RNF41: variants seen among roughly 807,000 people sequenced by gnomAD.
RNF41 encodes ring finger protein 41, also known as E3 ubiquitin-protein ligase NRDP1.
A neutral mutation model predicts 33.0 loss-of-function variants in RNF41; 4 were observed. The observed-to-expected ratio is 0.12, with a 90% CI of 0.06 to 0.28. The LOEUF is 0.28. Ranked by LOEUF, RNF41 falls within the 10% of genes least tolerant of loss-of-function variation. The probability of loss-of-function intolerance (pLI) is 1.00; values close to 1 mark genes in which losing one functional copy is unlikely to be tolerated. For missense variants in RNF41, 228 were observed against 432.6 expected, an observed-to-expected ratio of 0.53 and a Z score of 4.19; for synonymous variants, 164 against 153.2, an observed-to-expected ratio of 1.07 and a Z score of -0.52.
At chr12:56,211,184 A>AG (rs1868450209) in intron 3 of RNF41, among the ~76,000 whole-genome samples, 1 of 151,326 alleles carries the variant, frequency 6.6e-6, no homozygotes, top group Admixed American at 6.6e-5. Flanking sequence ...GAAAAAAAAA[A>AG]GCTGGGCCTG....
intron 2 of RNF41, among the ~76,000 whole-genome samples, chr12:56,215,462 T>C (rs1163033751): frequency 1.3e-5 from 2 of 152,090 alleles, no homozygotes; most frequent in East Asian, 1.9e-4. Flanking sequence ...GGCTCATGCC[T>C]GTAATCCCAG....
At chr12:56,207,475 G>A (rs1868292360) in intron 6 of RNF41, among the ~76,000 whole-genome samples, 171 bp downstream of exon 6, 1 of 152,144 alleles carries the variant, frequency 6.6e-6, no homozygotes, top group Admixed American at 6.5e-5. Flanking sequence ...CTGTAGTGGA[G>A]CTAAGGGTTA....
intron 1 of RNF41, among the ~76,000 whole-genome samples, chr12:56,218,247 C>A (rs1309030752): frequency 6.6e-6 from 1 of 151,904 alleles, no homozygotes; most frequent in East Asian, 1.9e-4. Flanking sequence ...AGCCACCGCG[C>A]CTGGCCCACA....
At chr12:56,212,652 G>A (rs1357599691) in intron 3 of RNF41, among the ~76,000 whole-genome samples, 2 of 152,054 alleles carry the variant, frequency 1.3e-5, no homozygotes, top group African/African-American at 4.8e-5. Flanking sequence ...TCTAATGGCA[G>A]CAGACTGCAA....
At position 56,206,179 on chromosome 12, in the gene RNF41, G is replaced by A. The variant is rs1868262223; in HGVS notation, c.*268C>T. 2 of 416,366 alleles carry A rather than the reference G, an allele frequency of 4.8e-6. No homozygotes were observed. Among genetic ancestry groups the A allele is most frequent in the Non-Finnish European group, 8.6e-6 (2 of 232,722 alleles). 25.8% of individuals were successfully genotyped at this position (416,366 alleles called of 1,614,324 possible). On this transcript the variant is annotated 3_prime_UTR_variant, in exon 7 of 7. Coordinates refer to ENST00000345093, the MANE Select transcript of RNF41 (RefSeq NM_005785.4). This position sits in a 1 kb window ranked among gnomAD's most constrained non-coding sequence, Gnocchi z 5.7. ...TAACTGGAACCAGGGACCCTAAGCA[G>A]GAAAATGGATGGAGGTGGGGGCTTT... is the stretch of plus-strand genomic sequence containing the variant.
In RNF41 at chr12:56,212,875, C is replaced by A. The variant is rs1200971383; in HGVS notation, c.90+1083G>T. On this transcript the variant is annotated intron_variant, in intron 3 of 6. Coordinates refer to ENST00000345093, the MANE Select transcript of RNF41 (RefSeq NM_005785.4). ...CCTGGTTTGGAAAATGTGATAATCT[C>A]TAGATAGCCAGGAAAGAGAAAGGAT... The A allele has an allele frequency of 1.5e-5, 11 of 731,064 alleles. No homozygotes were observed. In the East Asian group the frequency reaches 6.6e-4, roughly 44 times the overall value. 45.3% of individuals were successfully genotyped at this position (731,064 alleles called of 1,614,324 possible). A position where few individuals can be genotyped will look rare whatever the true frequency, so the allele number is the denominator to read the frequency against.
rs150646570 is a variant in RNF41 at position 56,213,175 on chromosome 12, C to T, written c.90+783G>A. ...ATCCCAGGAAAAAAATAGGTCAGTACATACAGTTCCCCACTTCCTATTTGT... is the reference window on the plus strand; with the variant it reads ...ATCCCAGGAAAAAAATAGGTCAGTATATACAGTTCCCCACTTCCTATTTGT... On this transcript the variant is annotated intron_variant, in intron 3 of 6. Transcript: ENST00000345093. The T allele has an allele frequency of 4.2e-4, 520 of 1,228,108 alleles. 9 individuals are homozygous for T. In the East Asian group the frequency reaches 0.017, roughly 41 times the overall value. 76.1% of individuals were successfully genotyped at this position (1,228,108 alleles called of 1,614,324 possible).
At chr12:56,217,865 C>T (rs1432367142) in intron 1 of RNF41, among the ~76,000 whole-genome samples, 2 of 152,190 alleles carry the variant, frequency 1.3e-5, no homozygotes, top group Non-Finnish European at 2.9e-5. Context: ...CATCACAAAA[C>T]CATCCCCTCG....
intron 3 of RNF41, among the ~76,000 whole-genome samples, chr12:56,213,347 G>A (rs144609531): frequency 5.3e-5 from 8 of 152,150 alleles, no homozygotes; most frequent in Admixed American, 4.6e-4. Context: ...CTACAGGTGT[G>A]TGCCACCACG....
rs1328840104 is a variant in RNF41, at chr12:56,206,873, A to G, written c.603-75T>C. 15 of 1,121,812 alleles carry G rather than the reference A, an allele frequency of 1.3e-5. No individual in the cohort carries two copies. Among genetic ancestry groups the G allele is most frequent in the Middle Eastern group, 2.5e-4 (1 of 4,074 alleles). 69.5% of individuals were successfully genotyped at this position (1,121,812 alleles called of 1,614,324 possible). ...GTATTGGCTTTTTCTGCTAATAGAA[A>G]TAACTACCCACTCTGCACTCAGCTT... On this transcript the variant is annotated intron_variant, in intron 6 of 6. Transcript: ENST00000345093. The surrounding 1 kb of genome is among the most constrained non-coding windows in gnomAD (Gnocchi z 5.7).
At chr12:56,219,881 G>C (rs1869218426) in intron 1 of RNF41, among the ~76,000 whole-genome samples, 1 of 151,704 alleles carries the variant, frequency 6.6e-6, no homozygotes, top group Non-Finnish European at 1.5e-5. Flanking sequence ...CGGGCATGAT[G>C]GCGTGAGTGC....
At chr12:56,216,768 C>A (rs1868917435) in intron 1 of RNF41, among the ~76,000 whole-genome samples, 155 bp from the exon 2 acceptor site, 2 of 152,140 alleles carry the variant, frequency 1.3e-5, no homozygotes, top group Non-Finnish European at 2.9e-5. Context: ...AGACTACCTT[C>A]TAAGGAGGGA....
rs1286552008 is a variant in RNF41, at chr12:56,206,134, C to T, written c.*313G>A. 6.5e-6 allele frequency: 2 copies of T among 309,998 alleles called. No homozygotes were observed. The highest frequency in any genetic ancestry group is 2.1e-5 in the African/African-American group (1 of 46,878). 19.2% of individuals were successfully genotyped at this position (309,998 alleles called of 1,614,324 possible). ...TCCTGATCCTCCAGGGAAATTGAAT[C>T]TCTTTGTGCTTTCTGAAAATAACTG... On this transcript the variant is annotated 3_prime_UTR_variant, in exon 7 of 7. Coordinates refer to ENST00000345093, the MANE Select transcript of RNF41 (RefSeq NM_005785.4). This position sits in a 1 kb window ranked among gnomAD's most constrained non-coding sequence, Gnocchi z 5.7.
At position 56,207,036 on chromosome 12, in the gene RNF41, T is replaced by C. The variant is rs938622835; in HGVS notation, c.603-238A>G. The C allele has an allele frequency of 2.1e-5, 26 of 1,258,798 alleles. No homozygotes were observed. The African/African-American group carries it at 3.6e-4, about 18-fold the overall frequency. The allele number at this position is 1,258,798 out of a possible 1,614,324, so 78.0% of individuals were successfully genotyped here. ...GCACTCTGTCTCTGTTACTTTTCTT[T>C]GAAATTCCAATACTTAGCACATATA... On this transcript the variant is annotated intron_variant, in intron 6 of 6. Coordinates refer to ENST00000345093, the MANE Select transcript of RNF41 (RefSeq NM_005785.4).
At chr12:56,215,401 AGGT>A (rs1012493653) in intron 2 of RNF41, among the ~76,000 whole-genome samples, 5 of 152,088 alleles carry the variant, frequency 3.3e-5, no homozygotes, top group Non-Finnish European at 7.4e-5. Context: ...GTCTGAACTT[AGGT>A]GGTGGTGGTG....
At chr12:56,214,476 CGCCACTGCACTCCA>C (rs1461218747) in intron 2 of RNF41, among the ~76,000 whole-genome samples, 1 of 148,840 alleles carries the variant, frequency 6.7e-6, no homozygotes, top group Non-Finnish European at 1.5e-5. Flanking sequence ...GCCGAGATCG[CGCCACTGCACTCCA>C]GCCTGGGGAA....
intron 1 of RNF41, among the ~76,000 whole-genome samples, chr12:56,221,067 G>A (rs558286371): frequency 6.6e-6 from 1 of 152,200 alleles, no homozygotes; most frequent in African/African-American, 2.4e-5. Flanking sequence ...GTTTCTGAAC[G>A]GGGAAGCAGT....
chr12:56,215,200 G>C (rs909873206), intron 2 of RNF41, among the ~76,000 whole-genome samples: 1 of 152,216 alleles, frequency 6.6e-6, no homozygotes, highest in African/African-American at 2.4e-5. Context: ...AAGAGACAAG[G>C]CTGGAGAGGC....
chr12:56,205,686 C>T lies in RNF41; in HGVS notation c.*761G>A, dbSNP rs1868255148. On this transcript the variant is annotated 3_prime_UTR_variant, in exon 7 of 7. Coordinates refer to ENST00000345093, the MANE Select transcript of RNF41 (RefSeq NM_005785.4). Reference sequence around the variant, plus strand: ...AGAGGGGTCTATGGAACAATTATGGCCTGTGCCACAAGAGGCAGTGCCAAC... The same window carrying T: ...AGAGGGGTCTATGGAACAATTATGGTCTGTGCCACAAGAGGCAGTGCCAAC... 1 of 152,478 alleles carries T rather than the reference C, an allele frequency of 6.6e-6. No individual in the cohort carries two copies. Among genetic ancestry groups the T allele is most frequent in the African/African-American group, 2.4e-5 (1 of 41,326 alleles). 9.4% of individuals were successfully genotyped at this position (152,478 alleles called of 1,614,324 possible).
Sources: gnomAD v4.1 joint callset for allele counts (sites outside exome capture counted in the v4.1 genomes callset) on GRCh38, gnomAD v4.1.1 for gene constraint, Gnocchi (gnomAD v3.1) non-coding constraint, MANE v1.5 for transcripts, NCBI Gene and HGNC (gene_info 2026-07-23, HGNC 2026-07-21) for gene names.